The following MALRD1 variants were observed in gnomAD, a reference collection of about 807,000 sequenced individuals.
The protein encoded by MALRD1 is MAM and LDL-receptor class A domain-containing protein 1.
In MALRD1, 247 loss-of-function variants were observed where a neutral mutation model predicts 242.1. That is an observed-to-expected ratio of 1.02 (90% CI 0.92 to 1.13). The LOEUF (loss-of-function observed/expected upper bound fraction) is 1.13, where lower values mean the gene tolerates loss of function less well. Among genes scored for constraint, MALRD1 ranks in the 50% most tolerant of loss-of-function variants. The probability of loss-of-function intolerance (pLI) is 0.00; values close to 1 mark genes in which losing one functional copy is unlikely to be tolerated. For synonymous variants in MALRD1, 995 were observed against 866.6 expected (o/e 1.15, Z -2.60); for missense variants, 2,989 against 2,533.1 (o/e 1.18, Z -3.86).
intron 26 of MALRD1, among the ~76,000 whole-genome samples, chr10:19,368,270 C>G (rs1845192243): frequency 6.6e-6 from 1 of 151,924 alleles, no homozygotes; most frequent in South Asian, 2.1e-4. Context: ...TAAATTAGGT[C>G]TTTGATCAAT....
intron 36 of MALRD1, among the ~76,000 whole-genome samples, chr10:19,637,508 TG>T (rs1438248836): frequency 1.3e-5 from 2 of 152,174 alleles, no homozygotes; most frequent in Non-Finnish European, 2.9e-5. Flanking sequence ...ACGATAAAAC[TG>T]GATACCATGT....
At chr10:19,665,058 T>C (rs1841615512) in intron 36 of MALRD1, among the ~76,000 whole-genome samples, 1 of 152,148 alleles carries the variant, frequency 6.6e-6, no homozygotes, top group Non-Finnish European at 1.5e-5. Context: ...TTAGGTTCAT[T>C]AACTAGGGCT....
At chr10:19,572,442 C>T (rs780252342) in intron 33 of MALRD1, among the ~76,000 whole-genome samples, 6 of 152,086 alleles carry the variant, frequency 3.9e-5, no homozygotes, top group East Asian at 1.9e-4. Flanking sequence ...GAAACAACAA[C>T]GGCTTGAAAA....
chr10:19,305,531 C>G (rs531524957), intron 21 of MALRD1, among the ~76,000 whole-genome samples: 112 of 150,888 alleles, frequency 7.4e-4, no homozygotes, highest in Middle Eastern at 3.4e-3. Context: ...AATTTTGAAC[C>G]AATTTGTTGT....
chr10:19,360,612 G>C (rs1027743367), intron 26 of MALRD1, among the ~76,000 whole-genome samples: 3 of 151,890 alleles, frequency 2.0e-5, no homozygotes, highest in Admixed American at 6.6e-5. Context: ...ATACAATTCT[G>C]TATGGCCTGC....
intron 12 of MALRD1, among the ~76,000 whole-genome samples, chr10:19,162,822 C>A (rs1284256491): frequency 1.3e-5 from 2 of 151,740 alleles, no homozygotes; most frequent in Non-Finnish European, 2.9e-5. Context: ...GTACATATAC[C>A]CACAGTACTA....
intron 21 of MALRD1, among the ~76,000 whole-genome samples, chr10:19,304,246 G>A (rs1009461551): frequency 4.6e-5 from 7 of 151,612 alleles, no homozygotes; most frequent in African/African-American, 1.5e-4. Flanking sequence ...AGCTTCTCAT[G>A]TTCTCCAGGT....
chr10:19,369,165 TTATA>T (rs1444009489), intron 26 of MALRD1, among the ~76,000 whole-genome samples: 1 of 102,834 alleles, frequency 9.7e-6, no homozygotes, highest in Non-Finnish European at 2.0e-5. Context: ...AAACTAATAT[TTATA>T]TATAAACTAA....
chr10:19,079,844 C>T (rs766794046), intron 2 of MALRD1, among the ~76,000 whole-genome samples: 7 of 151,820 alleles, frequency 4.6e-5, no homozygotes, highest in Non-Finnish European at 7.4e-5. Flanking sequence ...TTGTTTGCAG[C>T]GGACATGATC....
At chr10:19,331,314 C>T in intron 23 of MALRD1, 55 bp from the exon 24 acceptor site, 2 of 1,367,174 alleles carry the variant, frequency 1.5e-6, no homozygotes, top group Non-Finnish European at 2.0e-6. Flanking sequence ...TAGTGTTTGC[C>T]CAGGTTTTGA....
intron 2 of MALRD1, among the ~76,000 whole-genome samples, chr10:19,080,926 C>T (rs925841099): frequency 5.3e-5 from 8 of 151,728 alleles, no homozygotes; most frequent in Non-Finnish European, 1.0e-4. Context: ...AGGAAAAAAA[C>T]AAACAACCCC....
intron 29 of MALRD1, among the ~76,000 whole-genome samples, chr10:19,469,095 G>A (rs1364801492): frequency 2.0e-5 from 3 of 151,996 alleles, no homozygotes; most frequent in Non-Finnish European, 4.4e-5. Flanking sequence ...CTGGGTATGG[G>A]GTCCTGGAAG....
At chr10:19,250,811 G>C (rs10763900) in intron 18 of MALRD1, among the ~76,000 whole-genome samples, 67,014 of 151,546 alleles carry the variant, frequency 0.44, 15,469 homozygotes, top group Admixed American at 0.59. Flanking sequence ...CACATCCTCC[G>C]TCTCTCTGCC....
Position 19,347,873 on chromosome 10 carries a change from C to A in MALRD1, c.4004C>A (p.Ala1335Glu). ...DWNLKASSIPAAGTEPAADHT... is the reference protein window; with the variant it reads ...DWNLKASSIPEAGTEPAADHT... The stretch of plus-strand genomic sequence containing the variant: ...AACCTGAAAGCTAGCAGCATCCCTG[C>A]AGCAGGCACAGAGCCAGCAGCAGAT... The change falls in exon 25 of 40, where the codon GCA becomes GAA. Residue 1335 changes from alanine (A) to glutamate (E), a missense_variant. By Grantham distance (107) the Ala-to-Glu change is moderately radical. Coordinates refer to ENST00000454679, the MANE Select transcript of MALRD1 (RefSeq NM_001142308.3). The A allele has an allele frequency of 2.6e-6, 4 of 1,550,386 alleles. No individual in the cohort carries two copies. Among genetic ancestry groups the A allele is most frequent in the Non-Finnish European group, 3.5e-6 (4 of 1,146,842 alleles).
At chr10:19,439,797 T>C (rs2496082) in intron 28 of MALRD1, among the ~76,000 whole-genome samples, 107,820 of 151,310 alleles carry the variant, frequency 0.71, 38,529 homozygotes, top group Non-Finnish European at 0.75. Context: ...TTTATTTTAC[T>C]TTTTATCCTC....
chr10:19,263,980 A>G (rs570260576), intron 19 of MALRD1, among the ~76,000 whole-genome samples: 1 of 152,282 alleles, frequency 6.6e-6, no homozygotes, highest in East Asian at 1.9e-4. Flanking sequence ...CTTAGAGGAA[A>G]AGCTTTTAAC....
chr10:19,391,492 C>G (rs1846334780), intron 28 of MALRD1, among the ~76,000 whole-genome samples: 1 of 152,192 alleles, frequency 6.6e-6, no homozygotes, highest in African/African-American at 2.4e-5. Context: ...CCAATAAAGG[C>G]AAGGATTCTG....
intron 31 of MALRD1, among the ~76,000 whole-genome samples, chr10:19,517,507 G>A (rs1350652431): frequency 2.0e-5 from 3 of 152,174 alleles, no homozygotes; most frequent in Non-Finnish European, 2.9e-5. Context: ...TGTAGCCAAT[G>A]TAACTCTAAG....
intron 33 of MALRD1, among the ~76,000 whole-genome samples, chr10:19,589,639 A>G (rs1021434970): frequency 6.6e-6 from 1 of 152,026 alleles, no homozygotes; most frequent in Non-Finnish European, 1.5e-5. Context: ...ACATAAAGAA[A>G]CAAACAACCC....
Sources: allele counts gnomAD v4.1 joint callset (sites outside exome capture counted in the v4.1 genomes callset), GRCh38; gene constraint gnomAD v4.1.1; transcripts MANE v1.5; gene names NCBI Gene and HGNC (gene_info 2026-07-23, HGNC 2026-07-21).